The following TAFA2 variants were observed in gnomAD, a reference collection of about 807,000 sequenced individuals.
TAFA2 encodes chemokine-like protein TAFA-2.
TAFA2 carries 7 observed loss-of-function variants against 18.8 expected under a neutral mutation model. The ratio of observed to expected loss-of-function variants is 0.37; its 90% CI spans 0.21 to 0.70. The LOEUF is 0.70. Ranked by LOEUF, TAFA2 falls within the 30% of genes least tolerant of loss-of-function variation. TAFA2 has a pLI of 0.53. For synonymous variants in TAFA2, 60 were observed against 54.2 expected (o/e 1.11, Z -0.47); for missense variants, 122 against 158.1 (o/e 0.77, Z 1.23).
At chr12:61,907,572 A>G (rs1006422775) in intron 1 of TAFA2, among the ~76,000 whole-genome samples, 4 of 152,186 alleles carry the variant, frequency 2.6e-5, no homozygotes, top group Non-Finnish European at 5.9e-5. Context: ...TAGCTAAAGC[A>G]GTGTAGAAGA....
chr12:62,123,460 T>C (rs947107495), intron 1 of TAFA2, among the ~76,000 whole-genome samples: 5 of 150,768 alleles, frequency 3.3e-5, no homozygotes, highest in African/African-American at 9.8e-5. Context: ...GAAATGGAAA[T>C]GTATAAGAAT....
In TAFA2 at chr12:62,018,962, T is replaced by A. The variant is rs574694994; in HGVS notation, c.-1-151536A>T. Among the ~76,000 whole-genome samples the A allele has an allele frequency of 4.6e-5, 7 of 152,088 alleles. No homozygotes were observed. The East Asian group carries it at 1.4e-3, about 29-fold the overall frequency. Reference sequence around the variant, plus strand: ...CTAATATCCAGAATCTACAATGAACTCAAACAAATTTATAAGAAAAAAACA... The same window carrying A: ...CTAATATCCAGAATCTACAATGAACACAAACAAATTTATAAGAAAAAAACA... On this transcript the variant is annotated intron_variant, in intron 1 of 4. Coordinates refer to ENST00000416284, the MANE Select transcript of TAFA2 (RefSeq NM_178539.5).
intron 1 of TAFA2, among the ~76,000 whole-genome samples, chr12:61,939,918 C>T (rs1877927329): frequency 6.6e-6 from 1 of 152,184 alleles, no homozygotes; most frequent in Non-Finnish European, 1.5e-5. Context: ...GAACAGCTTA[C>T]CTGCTTCCAC....
At chr12:61,860,717 G>C (rs1874091990) in intron 2 of TAFA2, among the ~76,000 whole-genome samples, 1 of 152,060 alleles carries the variant, frequency 6.6e-6, no homozygotes, top group South Asian at 2.1e-4. Flanking sequence ...TGGATGTCTA[G>C]CCCTTCCTCT....
intron 4 of TAFA2, among the ~76,000 whole-genome samples, chr12:61,719,146 T>C (rs1026694981): frequency 1.3e-5 from 2 of 152,180 alleles, no homozygotes; most frequent in African/African-American, 4.8e-5. Flanking sequence ...CTGATCTTAA[T>C]TATTTCTGGG....
intron 1 of TAFA2, among the ~76,000 whole-genome samples, chr12:62,113,585 C>T (rs991241044): frequency 1.3e-5 from 2 of 152,188 alleles, no homozygotes; most frequent in Non-Finnish European, 1.5e-5. Flanking sequence ...GCTGAAGCTG[C>T]GCCCAGAGCT....
intron 1 of TAFA2, among the ~76,000 whole-genome samples, chr12:62,231,198 G>A (rs1165502200): frequency 6.6e-6 from 1 of 151,916 alleles, no homozygotes; most frequent in African/African-American, 2.4e-5. Context: ...ATTAATGTTT[G>A]CTTTATATAT....
At chr12:62,240,100 A>C (rs1289419371) in intron 1 of TAFA2, among the ~76,000 whole-genome samples, 1 of 151,160 alleles carries the variant, frequency 6.6e-6, no homozygotes, top group Non-Finnish European at 1.5e-5. Flanking sequence ...ATATATACTA[A>C]ATATGTTATA....
chr12:62,221,481 T>C (rs1467871585), intron 1 of TAFA2, among the ~76,000 whole-genome samples: 1 of 152,094 alleles, frequency 6.6e-6, no homozygotes, highest in Non-Finnish European at 1.5e-5. Flanking sequence ...AAACTAATAG[T>C]CTAAGTGCTA....
At chr12:62,139,199 T>C (rs1303995601) in intron 1 of TAFA2, among the ~76,000 whole-genome samples, 2 of 152,192 alleles carry the variant, frequency 1.3e-5, no homozygotes, top group Non-Finnish European at 2.9e-5. Context: ...TAAGCAAATG[T>C]GTTTTAATAC....
intron 1 of TAFA2, among the ~76,000 whole-genome samples, chr12:62,202,784 C>T (rs181106387): frequency 6.6e-4 from 97 of 147,258 alleles, no homozygotes; most frequent in Admixed American, 4.0e-3. Flanking sequence ...GAGTCATTCA[C>T]GAGCAAGTTG....
chr12:62,052,515 C>G (rs1882083916), intron 1 of TAFA2, among the ~76,000 whole-genome samples: 1 of 152,110 alleles, frequency 6.6e-6, no homozygotes, highest in Non-Finnish European at 1.5e-5. Context: ...TCTCTTTGTG[C>G]TCTAAGCAAT....
chr12:61,828,192 T>C (rs1298809931), intron 2 of TAFA2, among the ~76,000 whole-genome samples: 1 of 151,920 alleles, frequency 6.6e-6, no homozygotes, highest in Non-Finnish European at 1.5e-5. Flanking sequence ...GTATCATGTA[T>C]TCTACATGTG....
chr12:61,991,850 C>T (rs1014595259), intron 1 of TAFA2, among the ~76,000 whole-genome samples: 1 of 152,204 alleles, frequency 6.6e-6, no homozygotes. Flanking sequence ...ACTGTCATTT[C>T]TCAAGGCTCC....
chr12:61,906,078 T>C (rs1023199510), intron 1 of TAFA2, among the ~76,000 whole-genome samples: 1 of 152,182 alleles, frequency 6.6e-6, no homozygotes, highest in Non-Finnish European at 1.5e-5. Context: ...CAAGAAAAAG[T>C]ATACCTATTC....
intron 1 of TAFA2, among the ~76,000 whole-genome samples, chr12:62,023,380 A>T (rs1326432764): frequency 6.6e-6 from 1 of 152,160 alleles, no homozygotes; most frequent in East Asian, 1.9e-4. Flanking sequence ...CTGTTAGATA[A>T]ACTTTCTTTT....
intron 1 of TAFA2, among the ~76,000 whole-genome samples, chr12:62,045,375 G>A (rs1419788120): frequency 6.6e-6 from 1 of 151,654 alleles, no homozygotes; most frequent in Non-Finnish European, 1.5e-5. Context: ...ACCTGACCAA[G>A]AAATTTTTTT....
chr12:61,715,543 G>A (rs1869616580), intron 4 of TAFA2, among the ~76,000 whole-genome samples: 1 of 151,690 alleles, frequency 6.6e-6, no homozygotes, highest in Non-Finnish European at 1.5e-5. Context: ...TAGTAGAAAT[G>A]GAGTTTCACC....
chr12:62,204,603 G>A (rs370408811), intron 1 of TAFA2, among the ~76,000 whole-genome samples: 5 of 151,774 alleles, frequency 3.3e-5, no homozygotes, highest in African/African-American at 7.3e-5. Flanking sequence ...AAATTTTTTC[G>A]TCTGCTTGGT....
Sources: allele counts gnomAD v4.1 joint callset (sites outside exome capture counted in the v4.1 genomes callset), GRCh38; gene constraint gnomAD v4.1.1; transcripts MANE v1.5; gene names NCBI Gene and HGNC (gene_info 2026-07-23, HGNC 2026-07-21).